The following PRIM2 variants were observed in gnomAD, a reference collection of about 807,000 sequenced individuals.
The protein encoded by PRIM2 is DNA primase subunit 2.
A neutral mutation model predicts 67.3 loss-of-function variants in PRIM2; 39 were observed. The ratio of observed to expected loss-of-function variants is 0.58; its 90% CI spans 0.45 to 0.76. The LOEUF is 0.76. Among genes scored for constraint, PRIM2 ranks in the 30% least tolerant of loss-of-function variants. The probability of loss-of-function intolerance (pLI) is 0.00; values close to 1 mark genes in which losing one functional copy is unlikely to be tolerated. For missense variants in PRIM2, 398 were observed against 598.7 expected (o/e 0.66, Z 3.50); for synonymous variants, 143 against 198.7 (o/e 0.72, Z 2.36).
intron 10 of PRIM2, among the ~76,000 whole-genome samples, chr6:57,552,529 A>G (rs1389032834): frequency 2.0e-5 from 3 of 152,190 alleles, no homozygotes; most frequent in African/African-American, 7.2e-5. Context: ...AAGAATTCCT[A>G]TATTTTAATC....
At chr6:57,481,519 G>T (rs1385543498) in intron 7 of PRIM2, among the ~76,000 whole-genome samples, 1 of 151,356 alleles carries the variant, frequency 6.6e-6, no homozygotes, top group Non-Finnish European at 1.5e-5. Flanking sequence ...TCTCGTTTTT[G>T]GCTATTACAA....
rs1226856082 is a variant in PRIM2, at chr6:57,633,908, GCC to G, written c.1299+1708_1299+1709del. ...TGCTGTGAGGCCCAATTCCTAACGG[GCC>G]GTGGACTGGGTTGGGAACCCCTGCC... On this transcript the variant is annotated intron_variant, in intron 13 of 13. Coordinates refer to ENST00000615550, the MANE Select transcript of PRIM2 (RefSeq NM_000947.5). 6.6e-5 allele frequency among the ~76,000 whole-genome samples: 10 copies of G among 152,296 alleles called. No homozygotes were observed. The East Asian group carries it at 1.9e-3, about 29-fold the overall frequency.
chr6:57,523,065 A>G (rs1463104868), intron 8 of PRIM2, among the ~76,000 whole-genome samples: 1 of 152,238 alleles, frequency 6.6e-6, no homozygotes, highest in Non-Finnish European at 1.5e-5. Context: ...TATTCATAGA[A>G]AGAAATTGGC....
the PRIM2 span, among the ~76,000 whole-genome samples, chr6:57,305,607 T>C: frequency 1.3e-5 from 2 of 152,260 alleles, no homozygotes; most frequent in African/African-American, 2.4e-5. Context: ...CCATCAATTA[T>C]AGAGCATAAA....
At chr6:57,392,920 C>T (rs1263603940) in intron 7 of PRIM2, among the ~76,000 whole-genome samples, 3 of 149,006 alleles carry the variant, frequency 2.0e-5, no homozygotes, top group Non-Finnish European at 2.9e-5. Flanking sequence ...TGAGTTACTT[C>T]ACGTAGAATA....
chr6:57,419,200 G>A (rs868223560), intron 7 of PRIM2, among the ~76,000 whole-genome samples: 1 of 151,838 alleles, frequency 6.6e-6, no homozygotes, highest in South Asian at 2.1e-4. Context: ...AGGGAGGGAC[G>A]AGTGTGAGAG....
In PRIM2 at chr6:57,320,494, G is replaced by A. The variant is rs1251880930; in HGVS notation, c.192G>A (p.Val64=). ...TTGAAAATCTTGGAGTGAGCTATGT[G>A]AAAGGAACTGAACAATACCAGAGTA... ...KSVENLGVSY[V]KGTEQYQSKL... Residue 64 remains valine (V), a synonymous_variant, in exon 3 of 14, where the codon GTG becomes GTA. Transcript: ENST00000615550. The A allele has an allele frequency of 6.2e-7, 1 of 1,609,594 alleles. No homozygotes were observed. The highest frequency in any genetic ancestry group is 8.5e-7 in the Non-Finnish European group (1 of 1,178,768).
rs1777340027 is a variant in PRIM2 at position 57,646,627 on chromosome 6, A to G, written c.*469A>G. ...TGAGGTAACAACAGAGACTTTCACTATATTTTGCTTTGACAGAAGGAAAGA... is the reference window on the plus strand; with the variant it reads ...TGAGGTAACAACAGAGACTTTCACTGTATTTTGCTTTGACAGAAGGAAAGA... On this transcript the variant is annotated 3_prime_UTR_variant, in exon 14 of 14. Transcript: ENST00000615550. 6.5e-6 allele frequency: 1 copy of G among 152,726 alleles called. No homozygotes were observed. Among genetic ancestry groups the G allele is most frequent in the African/African-American group, 2.4e-5 (1 of 41,528 alleles). 9.5% of individuals were successfully genotyped at this position (152,726 alleles called of 1,614,324 possible).
the PRIM2 span, among the ~76,000 whole-genome samples, chr6:57,302,410 T>G: frequency 6.6e-6 from 1 of 152,198 alleles, no homozygotes. Context: ...TCCATGGGTT[T>G]AACTGAGTGC....
At chr6:57,275,282 G>T in the PRIM2 span, among the ~76,000 whole-genome samples, 1 of 152,230 alleles carries the variant, frequency 6.6e-6, no homozygotes, top group South Asian at 2.1e-4. Flanking sequence ...AGGCCAAGGT[G>T]GGTGAATCAA....
At chr6:57,236,882 G>A in the PRIM2 span, among the ~76,000 whole-genome samples, 1 of 152,182 alleles carries the variant, frequency 6.6e-6, no homozygotes, top group South Asian at 2.1e-4. Context: ...ACATACTTGT[G>A]CATGTGTCCT....
chr6:57,324,157 C>G (rs772088554), intron 3 of PRIM2, 44 bp from the exon 4 acceptor site: 16 of 1,090,654 alleles, frequency 1.5e-5, no homozygotes, highest in Non-Finnish European at 1.2e-5. Flanking sequence ...ACACCTCTTA[C>G]CATTCTAATG....
At chr6:57,471,152 C>T (rs1773328461) in intron 7 of PRIM2, among the ~76,000 whole-genome samples, 1 of 151,932 alleles carries the variant, frequency 6.6e-6, no homozygotes, top group African/African-American at 2.4e-5. Context: ...TCTTGCCTTT[C>T]TCCAGGGACC....
chr6:57,594,762 CAGAG>C (rs1458205288), intron 10 of PRIM2, among the ~76,000 whole-genome samples: 1 of 152,100 alleles, frequency 6.6e-6, no homozygotes, highest in Non-Finnish European at 1.5e-5. Context: ...TCTTAGGACA[CAGAG>C]AGCACTACCA....
chr6:57,282,784 C>G, the PRIM2 span, among the ~76,000 whole-genome samples: 3 of 152,144 alleles, frequency 2.0e-5, no homozygotes, highest in Non-Finnish European at 4.4e-5. Context: ...AACACTTTGA[C>G]TTTGAACTTC....
intron 9 of PRIM2, 62 bp from the exon 10 acceptor site, chr6:57,537,378 T>C: frequency 1.2e-6 from 1 of 820,734 alleles, no homozygotes. Flanking sequence ...CCATAACAAA[T>C]ATTACAGGGG....
intron 5 of PRIM2, among the ~76,000 whole-genome samples, chr6:57,341,220 T>C (rs1291118186): frequency 6.6e-6 from 1 of 152,194 alleles, no homozygotes; most frequent in East Asian, 1.9e-4. Context: ...TCAGTGATTC[T>C]CAGTGGGGGG....
Position 57,398,029 on chromosome 6 carries a change from G to A in PRIM2, c.693+15861G>A, listed in dbSNP as rs545238192. Among the ~76,000 whole-genome samples the A allele has an allele frequency of 9.1e-4, 137 of 149,762 alleles. 1 individual carries two copies. The highest frequency in any genetic ancestry group is 3.1e-3 in the African/African-American group (127 of 40,642). ...GGCTGGAGTGCAGTGGCGTGATCTC[G>A]GCTCACTGCAGCCTCTGCCTCCCGG... On this transcript the variant is annotated intron_variant, in intron 7 of 13. Coordinates refer to ENST00000615550, the MANE Select transcript of PRIM2 (RefSeq NM_000947.5).
the PRIM2 span, among the ~76,000 whole-genome samples, chr6:57,242,429 A>T: frequency 1.3e-5 from 2 of 152,320 alleles, no homozygotes; most frequent in South Asian, 4.1e-4. Context: ...TGTAATTTAA[A>T]TTAGGTTATT....
Sources: gnomAD v4.1 joint callset for allele counts (sites outside exome capture counted in the v4.1 genomes callset) on GRCh38, gnomAD v4.1.1 for gene constraint, MANE v1.5 for transcripts, NCBI Gene and HGNC (gene_info 2026-07-23, HGNC 2026-07-21) for gene names.